TANC1: variants seen among roughly 807,000 people sequenced by gnomAD.
TANC1 encodes tetratricopeptide repeat, ankyrin repeat and coiled-coil containing 1, also known as protein TANC1.
TANC1 carries 77 observed loss-of-function variants against 149.7 expected under a neutral mutation model. The ratio of observed to expected loss-of-function variants is 0.51; its 90% confidence interval spans 0.43 to 0.62. TANC1 has a LOEUF of 0.62. Ranked by LOEUF, TANC1 falls within the 20% of genes least tolerant of loss-of-function variation. The pLI, the probability that TANC1 is intolerant of heterozygous loss-of-function variation, is 0.00. For synonymous variants in TANC1, 854 were observed against 925.0 expected (o/e 0.92, Z 1.39); for missense variants, 1,985 against 2,321.8 (o/e 0.85, Z 2.98).
intron 1 of TANC1, among the ~76,000 whole-genome samples, chr2:159,000,595 A>G (rs2036536287): frequency 6.6e-6 from 1 of 151,922 alleles, no homozygotes; most frequent in Admixed American, 6.6e-5. Flanking sequence ...GGGTTTGGCT[A>G]AAGAGGAGGG....
At chr2:158,975,575 T>C (rs1442366595) in intron 1 of TANC1, among the ~76,000 whole-genome samples, 1 of 148,148 alleles carries the variant, frequency 6.8e-6, no homozygotes, top group African/African-American at 2.5e-5. Context: ...CACAATTACT[T>C]TTTTTTTTTT....
At chr2:159,111,763 C>T (rs748823967) in intron 4 of TANC1, among the ~76,000 whole-genome samples, 3 of 152,146 alleles carry the variant, frequency 2.0e-5, no homozygotes, top group Non-Finnish European at 4.4e-5. Context: ...ACAACTGCAC[C>T]ATGATGCCAG....
chr2:159,059,945 TTG>T (rs1276937636), intron 2 of TANC1, among the ~76,000 whole-genome samples: 2 of 139,980 alleles, frequency 1.4e-5, no homozygotes, highest in African/African-American at 5.4e-5. Flanking sequence ...TTTGTTGTTG[TTG>T]TTTTTTTTTT....
At chr2:159,220,014 G>GTC in intron 22 of TANC1, 147 bp downstream of exon 22, 1 of 698,932 alleles carries the variant, frequency 1.4e-6, no homozygotes, top group Non-Finnish European at 2.3e-6. Flanking sequence ...GTGTGTGTGT[G>GTC]TGTGTGTCTT....
At chr2:159,164,127 C>T (rs555193666) in intron 8 of TANC1, among the ~76,000 whole-genome samples, 1 of 151,870 alleles carries the variant, frequency 6.6e-6, no homozygotes, top group Non-Finnish European at 1.5e-5. Context: ...AAAGAAGAAA[C>T]CACAAAGGCT....
chr2:159,079,561 G>A lies in TANC1; in HGVS notation c.61+13590G>A, dbSNP rs2044051491. On this transcript the variant is annotated intron_variant, in intron 3 of 26. Coordinates refer to ENST00000263635, the MANE Select transcript of TANC1 (RefSeq NM_033394.3). ...GCAGCCAGGCTGCTTGGGTTCACCT[G>A]CATCTATACAATGGGGATAATAACA... is the stretch of plus-strand genomic sequence containing the variant. Among the ~76,000 whole-genome samples the A allele has an allele frequency of 2.6e-5, 4 of 152,224 alleles. No individual in the cohort carries two copies. In the South Asian group the frequency reaches 8.3e-4, roughly 32 times the overall value.
Position 159,231,963 on chromosome 2 carries a change from T to C in TANC1, c.*951T>C, listed in dbSNP as rs1235614022. ...ATAGTCACATGTTGTATATATTAAA[T>C]AGCCCAGTTTTATTCAGACTTGTAA... On this transcript the variant is annotated 3_prime_UTR_variant, in exon 27 of 27. Transcript: ENST00000263635. The C allele has an allele frequency of 6.6e-6, 1 of 152,644 alleles. No individual in the cohort carries two copies. The highest frequency in any genetic ancestry group is 1.5e-5 in the Non-Finnish European group (1 of 68,038). The allele number at this position is 152,644 out of a possible 1,614,324, so 9.5% of individuals were successfully genotyped here.
chr2:158,990,932 G>A (rs2035555193), intron 1 of TANC1, among the ~76,000 whole-genome samples: 2 of 151,736 alleles, frequency 1.3e-5, no homozygotes, highest in Admixed American at 6.6e-5. Context: ...AATTATATGG[G>A]CATGGTGGCG....
rs2036919608 is a variant in TANC1, at chr2:159,004,256, G to A, written c.-16+3067G>A. The A allele has an allele frequency of 3.9e-5, 63 of 1,612,040 alleles. No individual in the cohort carries two copies. The South Asian group carries it at 6.5e-4, about 17-fold the overall frequency. Reference sequence around the variant, plus strand: ...CACCAAAACCAGAAGACATTGATGAGGAAGATGATGATGTTCCAGATCTTG... The same window carrying A: ...CACCAAAACCAGAAGACATTGATGAAGAAGATGATGATGTTCCAGATCTTG... On this transcript the variant is annotated intron_variant, in intron 2 of 26. Transcript: ENST00000263635.
chr2:159,093,607 T>A (rs2045774831), intron 3 of TANC1, among the ~76,000 whole-genome samples: 1 of 152,250 alleles, frequency 6.6e-6, no homozygotes, highest in South Asian at 2.1e-4. Context: ...CTCCCTACTT[T>A]GTGCCTTTCT....
rs927971593 is a variant in TANC1 at position 159,001,688 on chromosome 2, A to G, written c.-16+499A>G. Among the ~76,000 whole-genome samples, 1 of 152,198 alleles carries G rather than the reference A, an allele frequency of 6.6e-6. No individual in the cohort carries two copies. Among genetic ancestry groups the G allele is most frequent in the African/African-American group, 2.4e-5 (1 of 41,446 alleles). On this transcript the variant is annotated intron_variant, in intron 2 of 26. Coordinates refer to ENST00000263635, the MANE Select transcript of TANC1 (RefSeq NM_033394.3). The surrounding 1 kb of genome is among the most constrained non-coding windows in gnomAD (Gnocchi z 4.3). ...ATTTTCATTTAATCCTCACTTTCAGAGATGAGGTAAACTCTGCTGTACAGA... is the reference window on the plus strand; with the variant it reads ...ATTTTCATTTAATCCTCACTTTCAGGGATGAGGTAAACTCTGCTGTACAGA...
intron 6 of TANC1, 104 bp downstream of exon 6, chr2:159,149,376 A>G: frequency 6.5e-7 from 1 of 1,527,112 alleles, no homozygotes; most frequent in Non-Finnish European, 9.1e-7. Context: ...TGTTCAGTTA[A>G]ATGAGTTCTG....
rs574945875 is a variant in TANC1 at position 159,049,652 on chromosome 2, A to G, written c.-15-16244A>G. On this transcript the variant is annotated intron_variant, in intron 2 of 26. Transcript: ENST00000263635. ...GACCTCCCCAGAGTGGTGGAAGCGA[A>G]TGGAGGGGAGTCAGGACTGGTGAGA... Among the ~76,000 whole-genome samples the G allele has an allele frequency of 3.3e-5, 5 of 152,278 alleles. No individual in the cohort carries two copies. The South Asian group carries it at 1.0e-3, about 32-fold the overall frequency.
At chr2:159,228,003 C>G (rs747560038) in intron 25 of TANC1, 38 bp downstream of exon 25, 1 of 1,596,380 alleles carries the variant, frequency 6.3e-7, no homozygotes, top group Non-Finnish European at 8.5e-7. Context: ...AGTCTTCCAG[C>G]AACAGAGCCC....
At chr2:159,176,086 C>A (rs2055828366) in intron 12 of TANC1, among the ~76,000 whole-genome samples, 1 of 152,182 alleles carries the variant, frequency 6.6e-6, no homozygotes, top group Non-Finnish European at 1.5e-5. Context: ...TTATGAAGAG[C>A]TAACTGTGTT....
intron 2 of TANC1, among the ~76,000 whole-genome samples, chr2:159,032,384 A>T (rs559249394): frequency 6.6e-6 from 1 of 152,264 alleles, no homozygotes; most frequent in South Asian, 2.1e-4. Flanking sequence ...GATCTTGTGG[A>T]CTGAGGTTAG....
intron 2 of TANC1, among the ~76,000 whole-genome samples, chr2:159,047,315 T>C (rs571915785): frequency 6.6e-6 from 1 of 152,142 alleles, no homozygotes; most frequent in South Asian, 2.1e-4. Flanking sequence ...AAATTTGTGA[T>C]TCATCCTTCA....
At chr2:159,198,667 A>C (rs927702451) in intron 18 of TANC1, among the ~76,000 whole-genome samples, 1 of 152,210 alleles carries the variant, frequency 6.6e-6, no homozygotes, top group Non-Finnish European at 1.5e-5. Flanking sequence ...ACTTTGTGTG[A>C]TCTGCCATGT....
chr2:159,043,651 T>C (rs900088933), intron 2 of TANC1, among the ~76,000 whole-genome samples: 8 of 152,236 alleles, frequency 5.3e-5, no homozygotes, highest in Non-Finnish European at 1.2e-4. Flanking sequence ...TCTAGCACAG[T>C]ACTTTTCCAT....
Sources: gnomAD v4.1 joint callset for allele counts (sites outside exome capture counted in the v4.1 genomes callset) on GRCh38, gnomAD v4.1.1 for gene constraint, Gnocchi (gnomAD v3.1) non-coding constraint, MANE v1.5 for transcripts, NCBI Gene and HGNC (gene_info 2026-07-23, HGNC 2026-07-21) for gene names.